CD8B: variants seen among roughly 807,000 people sequenced by gnomAD.
CD8B encodes the protein T-cell surface glycoprotein CD8 beta chain.
Under a neutral mutation model 24.2 loss-of-function variants are expected in CD8B, and 6 were observed. The observed-to-expected ratio is 0.25, with a 90% CI of 0.14 to 0.49. The LOEUF is 0.49. CD8B is among the 20% of genes least tolerant of loss of function. CD8B has a pLI of 0.98. For missense variants in CD8B, 196 were observed against 271.3 expected, an observed-to-expected ratio of 0.72 and a Z score of 1.95; for synonymous variants, 84 against 108.3, an observed-to-expected ratio of 0.78 and a Z score of 1.39.
chr2:86,854,337 G>A (rs1306057158), intron 2 of CD8B, among the ~76,000 whole-genome samples: 1 of 152,180 alleles, frequency 6.6e-6, no homozygotes, highest in Non-Finnish European at 1.5e-5. Flanking sequence ...GCCCTTTTCT[G>A]CATGTAGAGT....
intron 5 of CD8B, 105 bp downstream of exon 5, chr2:86,844,817 A>G: frequency 6.5e-7 from 1 of 1,547,478 alleles, no homozygotes; most frequent in Non-Finnish European, 8.7e-7. Context: ...CGAGTCTATG[A>G]TCTTTGGAAG....
At chr2:86,825,822 C>G (rs953241871) in intron 5 of CD8B, among the ~76,000 whole-genome samples, 2 of 152,208 alleles carry the variant, frequency 1.3e-5, no homozygotes, top group African/African-American at 4.8e-5. Context: ...TGCCTCACCT[C>G]CTGCCCGCCA....
At position 86,825,054 on chromosome 2, in the gene CD8B, A is replaced by T. The variant is rs1327637045; in HGVS notation, c.621-9336T>A. Among the ~76,000 whole-genome samples, 3 of 152,208 alleles carry T rather than the reference A, an allele frequency of 2.0e-5. No individual in the cohort carries two copies. The South Asian group carries it at 6.2e-4, about 31-fold the overall frequency. On this transcript the variant is annotated intron_variant, in intron 5 of 5. Transcript: ENST00000331469. Reference sequence around the variant, plus strand: ...GGTTCCAAAGCTCTAAGCAATTTATATGGGCCCTGGAGTTTCCTCCACAGC... The same window carrying T: ...GGTTCCAAAGCTCTAAGCAATTTATTTGGGCCCTGGAGTTTCCTCCACAGC...
At chr2:86,846,407 A>C (rs1225357231) in intron 4 of CD8B, among the ~76,000 whole-genome samples, 1 of 152,102 alleles carries the variant, frequency 6.6e-6, no homozygotes, top group African/African-American at 2.4e-5. Flanking sequence ...TCCTACCCCC[A>C]TCTGAGGCAG....
chr2:86,820,076 T>C (rs1674401105), intron 5 of CD8B, among the ~76,000 whole-genome samples: 1 of 152,224 alleles, frequency 6.6e-6, no homozygotes, highest in Non-Finnish European at 1.5e-5. Flanking sequence ...GTGATCAAAC[T>C]TAACACATGA....
chr2:86,847,240 G>A (rs1056074552), intron 3 of CD8B, among the ~76,000 whole-genome samples: 8 of 151,864 alleles, frequency 5.3e-5, no homozygotes, highest in African/African-American at 1.7e-4. Context: ...TCCGGCCATC[G>A]TCTAGTCTTT....
intron 3 of CD8B, among the ~76,000 whole-genome samples, chr2:86,847,336 T>C (rs1343741492): frequency 1.3e-5 from 2 of 152,240 alleles, no homozygotes; most frequent in Non-Finnish European, 1.5e-5. Flanking sequence ...ACAATTTTCA[T>C]GCCTGGTAAT....
chr2:86,830,186 C>A (rs1393699425), intron 5 of CD8B, among the ~76,000 whole-genome samples: 1 of 152,130 alleles, frequency 6.6e-6, no homozygotes. Flanking sequence ...ACCTCAGCCT[C>A]CTAAAGTGCT....
At chr2:86,844,714 C>A (rs868292878) in intron 5 of CD8B, 3 of 1,495,802 alleles carry the variant, frequency 2.0e-6, no homozygotes, top group East Asian at 5.0e-5. Context: ...ACCATCATAG[C>A]TCACTGCAGC....
intron 5 of CD8B, chr2:86,843,753 A>T: frequency 1.2e-6 from 1 of 810,814 alleles, no homozygotes. Context: ...TTTAAGGATA[A>T]TACCCCAGTG....
chr2:86,831,161 T>C (rs1305063642), intron 5 of CD8B, among the ~76,000 whole-genome samples: 1 of 152,150 alleles, frequency 6.6e-6, no homozygotes, highest in Non-Finnish European at 1.5e-5. Context: ...CCTCCACCTC[T>C]TGGGTTCAAG....
intron 5 of CD8B, among the ~76,000 whole-genome samples, chr2:86,817,841 A>T (rs1185138433): frequency 2.0e-5 from 3 of 152,220 alleles, no homozygotes; most frequent in African/African-American, 7.2e-5. Context: ...TGAAGCTAGT[A>T]TGTTACCTTC....
intron 5 of CD8B, among the ~76,000 whole-genome samples, chr2:86,831,830 T>G (rs56147721): frequency 0.16 from 24,524 of 152,160 alleles, 2,534 homozygotes; most frequent in Admixed American, 0.22. Flanking sequence ...AATTAAAGAC[T>G]AGGGGCTGGG....
At chr2:86,854,415 C>T (rs12995675) in intron 2 of CD8B, among the ~76,000 whole-genome samples, 2,783 of 152,188 alleles carry the variant, frequency 0.018, 89 homozygotes, top group African/African-American at 0.063. Flanking sequence ...ATATATAATA[C>T]CAGAGCTAAG....
At chr2:86,836,497 C>T (rs1279009725), downstream of CD8B, among the ~76,000 whole-genome samples, 71 of 152,170 alleles carry the variant, frequency 4.7e-4, no homozygotes, top group Non-Finnish European at 1.5e-5. Context: ...CATCAAGAAA[C>T]TTAAGGGATT....
At position 86,840,944 on chromosome 2, in the gene CD8B, AC is replaced by A. The variant is rs755641266; in HGVS notation, c.*1362del. Among the ~76,000 whole-genome samples, 3 of 152,142 alleles carry A rather than the reference AC, an allele frequency of 2.0e-5. No individual in the cohort carries two copies. Among genetic ancestry groups the A allele is most frequent in the Non-Finnish European group, 4.4e-5 (3 of 68,036 alleles). On this transcript the variant is annotated 3_prime_UTR_variant, in exon 6 of 6. Transcript: ENST00000390655. The stretch of plus-strand genomic sequence containing the variant: ...TTACATTCTGTGGTTGTCACAGGTA[AC>A]TGAACATAACCTGATTTGTCAATGT...
rs1339218689 is a variant in CD8B at position 86,841,613 on chromosome 2, A to T, written c.*694T>A. On this transcript the variant is annotated 3_prime_UTR_variant, in exon 6 of 6. Transcript: ENST00000390655. Reference sequence around the variant, plus strand: ...ATCTTTAACCTGGGACTTTATTTGTACAACTAAGACATTTGTATAAAACAA... The same window carrying T: ...ATCTTTAACCTGGGACTTTATTTGTTCAACTAAGACATTTGTATAAAACAA... 2.0e-5 allele frequency: 20 copies of T among 984,884 alleles called. No homozygotes were observed. Among genetic ancestry groups the T allele is most frequent in the Non-Finnish European group, 2.4e-5 (20 of 829,572 alleles). 61.0% of individuals were successfully genotyped at this position (984,884 alleles called of 1,614,324 possible).
chr2:86,827,451 C>G (rs2104508398), intron 5 of CD8B, among the ~76,000 whole-genome samples: 1 of 151,894 alleles, frequency 6.6e-6, no homozygotes, highest in Middle Eastern at 3.4e-3. Flanking sequence ...TGGTGAAACC[C>G]CATCTCCACA....
Position 86,841,341 on chromosome 2 carries a change from C to T in CD8B, c.*966G>A, listed in dbSNP as rs1675411092. Among the ~76,000 whole-genome samples, 1 of 149,662 alleles carries T rather than the reference C, an allele frequency of 6.7e-6. No homozygotes were observed. Among genetic ancestry groups the T allele is most frequent in the South Asian group, 2.1e-4 (1 of 4,656 alleles). On this transcript the variant is annotated 3_prime_UTR_variant, in exon 6 of 6. Transcript: ENST00000390655. Reference sequence around the variant, plus strand: ...CGGTTCAACCCGCGGTAGAAATGAACACGTGCTAGTTCAGCTTGGGAGTGG... The same window carrying T: ...CGGTTCAACCCGCGGTAGAAATGAATACGTGCTAGTTCAGCTTGGGAGTGG...
Sources: gnomAD v4.1 joint callset for allele counts (sites outside exome capture counted in the v4.1 genomes callset) on GRCh38, gnomAD v4.1.1 for gene constraint, MANE v1.5 for transcripts, NCBI Gene and HGNC (gene_info 2026-07-23, HGNC 2026-07-21) for gene names.